GAPVD1: variants seen among roughly 807,000 people sequenced by gnomAD.
GAPVD1 encodes the protein GTPase-activating protein and VPS9 domain-containing protein 1.
In GAPVD1, 35 loss-of-function variants were observed where a neutral mutation model predicts 155.5. The ratio of observed to expected loss-of-function variants is 0.23; its 90% confidence interval spans 0.17 to 0.30. The LOEUF (loss-of-function observed/expected upper bound fraction) is 0.30. GAPVD1 is among the 10% of genes least tolerant of loss of function. The pLI is 1.00. For synonymous variants in GAPVD1, 636 were observed against 619.7 expected, an observed-to-expected ratio of 1.03 and a Z score of -0.39; for missense variants, 1,429 against 1,775.7, an observed-to-expected ratio of 0.80 and a Z score of 3.51.
chr9:125,337,198 A>G lies in GAPVD1; in HGVS notation c.2507-23A>G, dbSNP rs1847161840. ...TTAGATATGTTGTGTCTCAGTTACAAAACTTTTTTTCCTGTGTTGCAGGGG... is the reference window on the plus strand; with the variant it reads ...TTAGATATGTTGTGTCTCAGTTACAGAACTTTTTTTCCTGTGTTGCAGGGG... On this transcript the variant is annotated intron_variant, in intron 16 of 27. Transcript: ENST00000297933. 4 of 1,612,288 alleles carry G rather than the reference A, an allele frequency of 2.5e-6. No individual in the cohort carries two copies. The African/African-American group carries it at 5.3e-5, about 22-fold the overall frequency.
intron 15 of GAPVD1, among the ~76,000 whole-genome samples, chr9:125,335,507 C>G (rs2131922657): frequency 1.3e-5 from 2 of 152,074 alleles, no homozygotes; most frequent in South Asian, 4.2e-4. Context: ...GAAACCCCAT[C>G]TCTACTAAAA....
chr9:125,302,548 G>T lies in GAPVD1; in HGVS notation c.751G>T (p.Val251Leu). 2 of 1,613,860 alleles carry T rather than the reference G, an allele frequency of 1.2e-6. No homozygotes were observed. Among genetic ancestry groups the T allele is most frequent in the Middle Eastern group, 1.6e-4 (1 of 6,062 alleles). Residue 251 changes from valine (V) to leucine (L), a missense_variant, in exon 5 of 28, where the codon GTG (valine) becomes TTG (leucine). Val to Leu is a conservative substitution (Grantham distance 32, BLOSUM62 1). This residue lies in a region of GAPVD1 where 628 missense variants were observed against 733.4 expected (regional missense o/e 0.86). Transcript: ENST00000297933. The stretch of plus-strand genomic sequence containing the variant: ...ATTCAGGCAAAAAGTTCAAGAAATG[G>T]TGGAGTCCAATGAAGCAAAGCTAGT... The part of the protein sequence containing the change: ...DRFRQKVQEM[V>L]ESNEAKLVAL...
intron 15 of GAPVD1, among the ~76,000 whole-genome samples, chr9:125,335,838 G>C (rs1255806462): frequency 2.0e-5 from 3 of 151,858 alleles, no homozygotes; most frequent in Admixed American, 2.0e-4. Context: ...AAGCTATTAG[G>C]GTCAGTAATT....
intron 27 of GAPVD1, among the ~76,000 whole-genome samples, chr9:125,361,984 G>A (rs1005113180): frequency 6.6e-6 from 1 of 152,200 alleles, no homozygotes; most frequent in Non-Finnish European, 1.5e-5. Context: ...CATGGGGTTG[G>A]TCGTCACAGC....
chr9:125,265,722 T>G (rs1305670326), intron 1 of GAPVD1, among the ~76,000 whole-genome samples: 1 of 30,600 alleles, frequency 3.3e-5, no homozygotes, highest in African/African-American at 1.3e-4. Flanking sequence ...AAAAAAAAAT[T>G]TCATGTCTGA....
intron 2 of GAPVD1, among the ~76,000 whole-genome samples, chr9:125,279,396 C>T (rs957619471): frequency 6.6e-6 from 1 of 151,388 alleles, no homozygotes; most frequent in Admixed American, 6.6e-5. Flanking sequence ...ATGGTGAAAC[C>T]CTGTCTCTAC....
chr9:125,365,402 C>T lies in GAPVD1; in HGVS notation c.*2656C>T, dbSNP rs1023022186. The T allele has an allele frequency of 2.0e-5, 3 of 150,742 alleles. No homozygotes were observed. The highest frequency in any genetic ancestry group is 6.6e-5 in the Admixed American group (1 of 15,120). 9.3% of individuals were successfully genotyped at this position (150,742 alleles called of 1,614,324 possible). A position where few individuals can be genotyped will look rare whatever the true frequency, so the allele number is the denominator to read the frequency against. On this transcript the variant is annotated 3_prime_UTR_variant, in exon 28 of 28. Coordinates refer to ENST00000297933, the MANE Select transcript of GAPVD1 (RefSeq NM_001282680.3). Reference sequence around the variant, plus strand: ...CCACTGCCTTCCAGTACTTTCTTTACATGAAAGATTAGTGTAAAAGTACAA... The same window carrying T: ...CCACTGCCTTCCAGTACTTTCTTTATATGAAAGATTAGTGTAAAAGTACAA...
chr9:125,284,280 G>C (rs1306495040), intron 2 of GAPVD1, among the ~76,000 whole-genome samples: 1 of 150,326 alleles, frequency 6.7e-6, no homozygotes, highest in Non-Finnish European at 1.5e-5. Context: ...CACCTCCCAG[G>C]TTCAAGCAGT....
At position 125,301,963 on chromosome 9, in the gene GAPVD1, CTT is replaced by C. The variant is rs397893733; in HGVS notation, c.186-4_186-3del. The C allele has an allele frequency of 0.056, 71,467 of 1,283,592 alleles. 24 individuals carry two copies. The highest frequency in any genetic ancestry group is 0.066 in the African/African-American group (4,078 of 61,824). The allele number at this position is 1,283,592 out of a possible 1,614,324, so 79.5% of individuals were successfully genotyped here. A position where few individuals can be genotyped will look rare whatever the true frequency, so the allele number is the denominator to read the frequency against. On this transcript the variant is annotated intron_variant, in intron 4 of 27. Coordinates refer to ENST00000297933, the MANE Select transcript of GAPVD1 (RefSeq NM_001282680.3). ...AATACTATTATTTTGCTTGTTTGCT[CTT>C]TTTTTTTTTTTTTTTAGTGCTGAAG...
chr9:125,335,502 C>G (rs1206823778), intron 15 of GAPVD1, among the ~76,000 whole-genome samples: 3 of 151,854 alleles, frequency 2.0e-5, no homozygotes, highest in African/African-American at 4.8e-5. Flanking sequence ...ATGGTGAAAC[C>G]CCATCTCTAC....
At chr9:125,297,061 T>G (rs1454992151) in intron 3 of GAPVD1, among the ~76,000 whole-genome samples, 6 of 152,238 alleles carry the variant, frequency 3.9e-5, no homozygotes, top group African/African-American at 1.4e-4. Flanking sequence ...ATTTAACATT[T>G]GTGATCTGGC....
chr9:125,362,318 C>T (rs925208762), intron 27 of GAPVD1, among the ~76,000 whole-genome samples: 5 of 152,044 alleles, frequency 3.3e-5, no homozygotes, highest in African/African-American at 1.2e-4. Context: ...TTGAGTAAGA[C>T]CACAGAGATT....
chr9:125,321,402 G>A (rs1215686137), intron 9 of GAPVD1, 31 bp from the exon 10 acceptor site: 1 of 1,581,670 alleles, frequency 6.3e-7, no homozygotes, highest in Admixed American at 1.7e-5. Flanking sequence ...TCTTTCCATT[G>A]ATAAACCAAA....
intron 15 of GAPVD1, among the ~76,000 whole-genome samples, chr9:125,334,208 A>G (rs1846522350): frequency 6.6e-6 from 1 of 151,108 alleles, no homozygotes; most frequent in African/African-American, 2.4e-5. Flanking sequence ...GGCAAAGTGG[A>G]TAAAATTTGC....
intron 20 of GAPVD1, among the ~76,000 whole-genome samples, chr9:125,349,080 G>A (rs1457034062): frequency 2.6e-5 from 4 of 152,170 alleles, no homozygotes; most frequent in African/African-American, 9.7e-5. Flanking sequence ...CTGGTTCAGT[G>A]ATTCTAAGAT....
chr9:125,265,924 T>TAAAAAAAAAAAAAAAA, intron 1 of GAPVD1, among the ~76,000 whole-genome samples: 1 of 72,694 alleles, frequency 1.4e-5, no homozygotes, highest in Non-Finnish European at 2.9e-5. Flanking sequence ...AAAAAATTTA[T>TAAAAAAAAAAAAAAAA]AAAAAAAAAA....
chr9:125,346,024 G>A (rs1273454441), intron 19 of GAPVD1: 1 of 152,156 alleles, frequency 6.6e-6, no homozygotes, highest in African/African-American at 2.4e-5. Flanking sequence ...ATGGAACTTT[G>A]TCCTGTAGAT....
intron 4 of GAPVD1, among the ~76,000 whole-genome samples, chr9:125,300,809 T>A (rs554433714): frequency 8.3e-5 from 12 of 145,366 alleles, no homozygotes; most frequent in South Asian, 4.4e-4. Flanking sequence ...AAAATGAGTT[T>A]AAAAAAAAAA....
chr9:125,306,797 G>A (rs931484771), intron 6 of GAPVD1, among the ~76,000 whole-genome samples: 3 of 152,148 alleles, frequency 2.0e-5, no homozygotes, highest in Admixed American at 1.3e-4. Flanking sequence ...CCAGCTCCAA[G>A]ATCTTAGACT....
Sources: allele counts gnomAD v4.1 joint callset (sites outside exome capture counted in the v4.1 genomes callset), GRCh38; gene constraint gnomAD v4.1.1; regional missense constraint gnomAD v4.1.1; transcripts MANE v1.5; gene names NCBI Gene and HGNC (gene_info 2026-07-23, HGNC 2026-07-21).